TAFA4: variants seen among roughly 807,000 people sequenced by gnomAD.
TAFA4 encodes the protein TAFA chemokine like family member 4.
A neutral mutation model predicts 21.1 loss-of-function variants in TAFA4; 20 were observed. The observed-to-expected ratio is 0.95, with a 90% CI of 0.67 to 1.38. The LOEUF is 1.38. Ranked by LOEUF, TAFA4 falls within the 40% of genes most tolerant of loss-of-function variation. TAFA4 has a pLI of 0.00. For synonymous variants in TAFA4, 71 were observed against 67.4 expected (o/e 1.05, Z -0.26); for missense variants, 211 against 180.9 (o/e 1.17, Z -0.95).
At chr3:68,813,878 G>C (rs999443495) in intron 3 of TAFA4, among the ~76,000 whole-genome samples, 14 of 152,136 alleles carry the variant, frequency 9.2e-5, no homozygotes, top group African/African-American at 3.4e-4. Flanking sequence ...GAGAATTTTA[G>C]ACCAATATCA....
chr3:68,855,642 C>T (rs1245690311), intron 3 of TAFA4, among the ~76,000 whole-genome samples: 4 of 152,010 alleles, frequency 2.6e-5, no homozygotes, highest in Non-Finnish European at 4.4e-5. Flanking sequence ...CTAGAGTAGA[C>T]GTCATGTATC....
chr3:68,766,138 A>G (rs1017374842), intron 3 of TAFA4, among the ~76,000 whole-genome samples: 3 of 152,154 alleles, frequency 2.0e-5, no homozygotes, highest in Admixed American at 6.6e-5. Context: ...CTACTCAAAA[A>G]GGAGAGAAAG....
At chr3:68,912,686 G>A (rs1379264627) in intron 1 of TAFA4, among the ~76,000 whole-genome samples, 2 of 152,184 alleles carry the variant, frequency 1.3e-5, no homozygotes, top group African/African-American at 2.4e-5. Context: ...TCCTGTTCAA[G>A]TGCTCCCAGA....
intron 3 of TAFA4, among the ~76,000 whole-genome samples, chr3:68,858,656 C>T (rs1418034653): frequency 2.7e-5 from 4 of 150,738 alleles, no homozygotes; most frequent in Non-Finnish European, 5.9e-5. Flanking sequence ...GAATTCTACA[C>T]ATAAAAATGT....
chr3:68,797,161 G>T (rs373590207), intron 3 of TAFA4, among the ~76,000 whole-genome samples: 2 of 152,008 alleles, frequency 1.3e-5, no homozygotes, highest in African/African-American at 4.8e-5. Context: ...ATATCCAAAA[G>T]AATTGAAGTC....
chr3:68,838,581 G>T (rs1704577864), intron 3 of TAFA4, among the ~76,000 whole-genome samples: 1 of 152,148 alleles, frequency 6.6e-6, no homozygotes, highest in South Asian at 2.1e-4. Context: ...TCTGTGAAGG[G>T]CCAGACAGTA....
chr3:68,781,462 TTGA>T (rs1226480411), intron 3 of TAFA4, among the ~76,000 whole-genome samples: 3 of 152,004 alleles, frequency 2.0e-5, no homozygotes, highest in African/African-American at 4.8e-5. Flanking sequence ...ACTGATTATA[TTGA>T]TAATAAAAGG....
At chr3:68,803,566 T>C (rs1442501492) in intron 3 of TAFA4, among the ~76,000 whole-genome samples, 1 of 152,052 alleles carries the variant, frequency 6.6e-6, no homozygotes, top group Non-Finnish European at 1.5e-5. Flanking sequence ...AGGGAAGTAC[T>C]AAGAAGTCCA....
intron 3 of TAFA4, among the ~76,000 whole-genome samples, chr3:68,781,391 C>T (rs1703151200): frequency 2.0e-5 from 3 of 151,552 alleles, no homozygotes; most frequent in Admixed American, 2.0e-4. Context: ...CCAAATTAAT[C>T]AAGAACAAAA....
chr3:68,858,129 G>A (rs989589764), intron 3 of TAFA4, among the ~76,000 whole-genome samples: 1 of 152,100 alleles, frequency 6.6e-6, no homozygotes, highest in Non-Finnish European at 1.5e-5. Flanking sequence ...CAGGGAGCCA[G>A]CACTTAAGTC....
Position 68,755,047 on chromosome 3 carries a change from G to C in TAFA4, c.131-2029C>G, listed in dbSNP as rs184582434. On this transcript the variant is annotated intron_variant, in intron 3 of 5. Transcript: ENST00000295569. The stretch of plus-strand genomic sequence containing the variant: ...TGTGTAGGTTTACTCATCACAACTA[G>C]GGAGTGATTCAGGCCCTTTCAGCAA... Among the ~76,000 whole-genome samples, 50 of 152,266 alleles carry C rather than the reference G, an allele frequency of 3.3e-4. 1 individual carries two copies. The South Asian group carries it at 3.7e-3, about 11-fold the overall frequency.
At chr3:68,912,945 T>C (rs2089973554) in intron 1 of TAFA4, among the ~76,000 whole-genome samples, 1 of 152,192 alleles carries the variant, frequency 6.6e-6, no homozygotes, top group African/African-American at 2.4e-5. Context: ...GCATGGCTGC[T>C]GGAAGAAGTG....
intron 1 of TAFA4, among the ~76,000 whole-genome samples, chr3:68,911,008 A>G (rs968760277): frequency 2.0e-5 from 3 of 152,240 alleles, no homozygotes; most frequent in African/African-American, 4.8e-5. Flanking sequence ...GTTCATTTTA[A>G]TTTTGCATTC....
intron 3 of TAFA4, among the ~76,000 whole-genome samples, chr3:68,835,233 C>G (rs1048815412): frequency 6.6e-6 from 1 of 152,216 alleles, no homozygotes; most frequent in African/African-American, 2.4e-5. Context: ...CTACACCCAC[C>G]TTGCTCCCTC....
At chr3:68,776,582 C>T (rs1703053905) in intron 3 of TAFA4, among the ~76,000 whole-genome samples, 2 of 152,286 alleles carry the variant, frequency 1.3e-5, no homozygotes, top group South Asian at 2.1e-4. Flanking sequence ...CCCCTTCTCT[C>T]TGCAACTAAT....
intron 1 of TAFA4, among the ~76,000 whole-genome samples, chr3:68,887,257 G>T (rs1232440767): frequency 2.6e-5 from 4 of 152,202 alleles, no homozygotes; most frequent in Non-Finnish European, 2.9e-5. Context: ...CTTAAAGCTG[G>T]AGAATAATGT....
At chr3:68,808,215 T>A (rs1004944545) in intron 3 of TAFA4, among the ~76,000 whole-genome samples, 2 of 152,022 alleles carry the variant, frequency 1.3e-5, no homozygotes, top group Admixed American at 1.3e-4. Context: ...CAAGACAGAA[T>A]TGTTCACATA....
intron 3 of TAFA4, among the ~76,000 whole-genome samples, chr3:68,839,920 T>C (rs1277182682): frequency 2.0e-5 from 3 of 152,180 alleles, no homozygotes; most frequent in Non-Finnish European, 2.9e-5. Flanking sequence ...GGGTCTATCA[T>C]GGAAATGAAG....
intron 3 of TAFA4, among the ~76,000 whole-genome samples, chr3:68,822,223 G>T (rs1704128999): frequency 6.6e-6 from 1 of 152,180 alleles, no homozygotes; most frequent in African/African-American, 2.4e-5. Flanking sequence ...GCATTTGGAT[G>T]CCTACTATGT....
Sources: gnomAD v4.1 joint callset for allele counts (sites outside exome capture counted in the v4.1 genomes callset) on GRCh38, gnomAD v4.1.1 for gene constraint, MANE v1.5 for transcripts, NCBI Gene and HGNC (gene_info 2026-07-23, HGNC 2026-07-21) for gene names.